The following IRAK3 variants were observed in gnomAD, a reference collection of about 807,000 sequenced individuals.
The protein encoded by IRAK3 is interleukin-1 receptor-associated kinase 3.
In IRAK3, 57 loss-of-function variants were observed where a neutral mutation model predicts 56.6. That is an observed-to-expected ratio of 1.01 (90% CI 0.81 to 1.26). The LOEUF (loss-of-function observed/expected upper bound fraction) is 1.26. IRAK3 is among the 50% of genes most tolerant of loss of function. IRAK3 has a pLI of 0.00. For missense variants in IRAK3, 703 were observed against 719.0 expected (o/e 0.98, Z 0.25); for synonymous variants, 258 against 255.7 (o/e 1.01, Z -0.09).
chr12:66,197,405 TC>T (rs2052464892), intron 1 of IRAK3: 1 of 987,788 alleles, frequency 1.0e-6, no homozygotes. Context: ...GAGTTTGCAT[TC>T]CTGTTGTATC....
At position 66,222,893 on chromosome 12, in the gene IRAK3, AGCTTTTTAATCACCTGGGT is replaced by A. The variant is rs2052748807; in HGVS notation, c.654-3827_654-3809del. Among the ~76,000 whole-genome samples, 5 of 152,278 alleles carry A rather than the reference AGCTTTTTAATCACCTGGGT, an allele frequency of 3.3e-5. No homozygotes were observed. The South Asian group carries it at 1.0e-3, about 32-fold the overall frequency. Reference sequence around the variant, plus strand: ...CACACAGGCTTTGTGTGAGCAATAAAGCTTTTTAATCACCTGGGTGCAGGCGGGCTGAGTCCGAAAAGAG... The same window carrying A: ...CACACAGGCTTTGTGTGAGCAATAAAGCAGGCGGGCTGAGTCCGAAAAGAG... On this transcript the variant is annotated intron_variant, in intron 6 of 11. Coordinates refer to ENST00000261233, the MANE Select transcript of IRAK3 (RefSeq NM_007199.3).
chr12:66,214,095 T>C (rs956633752), intron 5 of IRAK3, among the ~76,000 whole-genome samples: 13 of 152,026 alleles, frequency 8.6e-5, no homozygotes, highest in Non-Finnish European at 5.9e-5. Context: ...AAGAGGATGC[T>C]GGAAAGATAT....
chr12:66,212,554 A>G (rs1008789369), intron 5 of IRAK3, among the ~76,000 whole-genome samples: 1 of 152,232 alleles, frequency 6.6e-6, no homozygotes, highest in Non-Finnish European at 1.5e-5. Flanking sequence ...TGAATAAGGC[A>G]TAGTTCTGTC....
At chr12:66,235,343 C>T (rs1334892269) in intron 8 of IRAK3, 7 of 1,072,312 alleles carry the variant, frequency 6.5e-6, no homozygotes, top group Non-Finnish European at 7.9e-6. Flanking sequence ...GCGGGGCAGC[C>T]TCGCCGCGAG....
intron 1 of IRAK3, among the ~76,000 whole-genome samples, chr12:66,191,588 C>T (rs1245882518): frequency 6.6e-6 from 1 of 152,196 alleles, no homozygotes; most frequent in Non-Finnish European, 1.5e-5. Flanking sequence ...ACTGCCTGGA[C>T]TACTGAGCTG....
chr12:66,193,242 A>G (rs1303026298), intron 1 of IRAK3, among the ~76,000 whole-genome samples: 1 of 151,906 alleles, frequency 6.6e-6, no homozygotes, highest in Non-Finnish European at 1.5e-5. Flanking sequence ...CGAACTCCCG[A>G]CCTCAGGTGA....
chr12:66,253,233 A>G lies in IRAK3; in HGVS notation c.*5062A>G, dbSNP rs2053118012. On this transcript the variant is annotated 3_prime_UTR_variant, in exon 12 of 12. Transcript: ENST00000261233. ...AATCAATCATTGCTTAAATTATTCC[A>G]TTTCATCATTCTTGAATAAAAGCTA... 6.6e-6 allele frequency: 1 copy of G among 152,214 alleles called. No individual in the cohort carries two copies. The highest frequency in any genetic ancestry group is 2.4e-5 in the African/African-American group (1 of 41,448). 9.4% of individuals were successfully genotyped at this position (152,214 alleles called of 1,614,324 possible).
At chr12:66,235,092 C>A in intron 8 of IRAK3, 1 of 1,613,494 alleles carries the variant, frequency 6.2e-7, no homozygotes, top group Non-Finnish European at 8.5e-7. Flanking sequence ...GGAGGCAGTC[C>A]TCGGATATAG....
intron 6 of IRAK3, among the ~76,000 whole-genome samples, chr12:66,225,231 T>C (rs2052773544): frequency 6.6e-6 from 1 of 152,164 alleles, no homozygotes; most frequent in Admixed American, 6.5e-5. Context: ...ATACACCGAC[T>C]GTGAAATACA....
intron 6 of IRAK3, 103 bp from the exon 7 acceptor site, chr12:66,226,620 T>C (rs2052788783): frequency 2.7e-6 from 2 of 738,652 alleles, no homozygotes; most frequent in Admixed American, 3.8e-5. Context: ...TATTCCGCTT[T>C]AGGCCTATTC....
intron 6 of IRAK3, among the ~76,000 whole-genome samples, chr12:66,220,455 A>G (rs898951981): frequency 2.1e-5 from 3 of 140,930 alleles, no homozygotes; most frequent in Non-Finnish European, 3.1e-5. Context: ...TTTTATTACT[A>G]TAGCTCTGTA....
At chr12:66,236,549 T>G (rs1472258772) in intron 8 of IRAK3, among the ~76,000 whole-genome samples, 3 of 150,730 alleles carry the variant, frequency 2.0e-5, no homozygotes, top group African/African-American at 7.3e-5. Flanking sequence ...GTCTGGGCGA[T>G]AGAACAAGAC....
intron 2 of IRAK3, among the ~76,000 whole-genome samples, chr12:66,207,656 G>A (rs1234604230): frequency 6.6e-6 from 1 of 151,920 alleles, no homozygotes; most frequent in Non-Finnish European, 1.5e-5. Context: ...GTAGGCATTT[G>A]CAGCTATAAA....
chr12:66,243,116 A>T (rs1453591047), intron 8 of IRAK3, among the ~76,000 whole-genome samples: 9 of 151,918 alleles, frequency 5.9e-5, no homozygotes, highest in Admixed American at 1.3e-4. Flanking sequence ...TCTGTTGTCA[A>T]CTCAGCCCTA....
intron 2 of IRAK3, 44 bp downstream of exon 2, chr12:66,203,937 A>G (rs1392422186): frequency 6.7e-7 from 1 of 1,495,602 alleles, no homozygotes; most frequent in East Asian, 2.3e-5. Context: ...CTGTAATAGG[A>G]ACTGTAATTT....
chr12:66,219,293 G>A (rs117855538), intron 6 of IRAK3, among the ~76,000 whole-genome samples: 30 of 152,282 alleles, frequency 2.0e-4, no homozygotes, highest in Admixed American at 1.4e-3. Context: ...TTGTGAGAGG[G>A]ACCTGGTCGG....
At chr12:66,226,317 C>T (rs1187968041) in intron 6 of IRAK3, among the ~76,000 whole-genome samples, 5 of 151,830 alleles carry the variant, frequency 3.3e-5, no homozygotes, top group Non-Finnish European at 4.4e-5. Context: ...TCTTGGCTCA[C>T]GGCAACCTCC....
Position 66,209,444 on chromosome 12 carries a change from T to C in IRAK3, c.317-12T>C, listed in dbSNP as rs779716764. The C allele has an allele frequency of 1.5e-5, 23 of 1,584,444 alleles. No individual in the cohort carries two copies. Among genetic ancestry groups the C allele is most frequent in the Non-Finnish European group, 1.9e-5 (22 of 1,153,644 alleles). On this transcript the variant is annotated splice_polypyrimidine_tract_variant and intron_variant, in intron 2 of 11. Transcript: ENST00000261233. The stretch of plus-strand genomic sequence containing the variant: ...ATTTTTTTGTATCTACCTTCCCATA[T>C]TTCTCTTTCAGGAGCAGTGTTGAGT...
At chr12:66,197,176 GT>G in intron 1 of IRAK3, 1 of 1,282,936 alleles carries the variant, frequency 7.8e-7, no homozygotes, top group Non-Finnish European at 9.8e-7. Flanking sequence ...CCAAAAAATG[GT>G]TTTAAACAAT....
Sources: allele counts gnomAD v4.1 joint callset (sites outside exome capture counted in the v4.1 genomes callset), GRCh38; gene constraint gnomAD v4.1.1; transcripts MANE v1.5; gene names NCBI Gene and HGNC (gene_info 2026-07-23, HGNC 2026-07-21).